Variants in GPR158 observed in about 807,000 individuals in gnomAD.
GPR158 encodes G protein-coupled receptor 158, also known as metabotropic glycine receptor.
Under a neutral mutation model 78.2 loss-of-function variants are expected in GPR158, and 30 were observed. The ratio of observed to expected loss-of-function variants is 0.38; its 90% CI spans 0.29 to 0.52. GPR158 has a LOEUF of 0.52. Ranked by LOEUF, GPR158 falls within the 20% of genes least tolerant of loss-of-function variation. The pLI, the probability that GPR158 is intolerant of heterozygous loss-of-function variation, is 0.83. For missense variants in GPR158, 1,463 were observed against 1,523.5 expected, an observed-to-expected ratio of 0.96 and a Z score of 0.66; for synonymous variants, 581 against 591.1, an observed-to-expected ratio of 0.98 and a Z score of 0.25.
intron 2 of GPR158, among the ~76,000 whole-genome samples, chr10:25,389,577 C>T (rs1049595347): frequency 6.6e-6 from 1 of 152,310 alleles, no homozygotes; most frequent in South Asian, 2.1e-4. Flanking sequence ...TGTGTACATT[C>T]TTCCTGGATG....
intron 2 of GPR158, among the ~76,000 whole-genome samples, chr10:25,392,517 ACT>A (rs1834314175): frequency 6.6e-6 from 1 of 152,044 alleles, no homozygotes. Context: ...CGTAGCAATA[ACT>A]CTTAATTTTT....
chr10:25,326,600 G>T (rs905641105), intron 2 of GPR158, among the ~76,000 whole-genome samples: 1 of 152,278 alleles, frequency 6.6e-6, no homozygotes. Context: ...GTTGCCAGGA[G>T]ATAGGGGCTG....
intron 2 of GPR158, among the ~76,000 whole-genome samples, chr10:25,273,775 GCTCAAGCAATCTTCCCAC>G (rs772511853): frequency 1.3e-5 from 2 of 151,954 alleles, no homozygotes; most frequent in Non-Finnish European, 2.9e-5. Context: ...GACCTCCCAG[GCTCAAGCAATCTTCCCAC>G]CTCAGCCTCC....
At position 25,317,716 on chromosome 10, in the gene GPR158, G is replaced by GTTTTTTTTTTTTTTTTTTTTTTTTTTTT. The variant is rs756759445; in HGVS notation, c.1009-78186_1009-78185insTTTTTTTTTTTTTTTTTTTTTTTTTTTT. ...TTAAATTCTGTTTTCTTCGTAAAGT[G>GTTTTTTTTTTTTTTTTTTTTTTTTTTTT]TTTTTTTTTGTTTTGTTTTGTTTTG... On this transcript the variant is annotated intron_variant, in intron 2 of 10. Transcript: ENST00000376351. Among the ~76,000 whole-genome samples, 3 of 134,074 alleles carry GTTTTTTTTTTTTTTTTTTTTTTTTTTTT rather than the reference G, an allele frequency of 2.2e-5. 1 individual carries two copies. Among genetic ancestry groups the GTTTTTTTTTTTTTTTTTTTTTTTTTTTT allele is most frequent in the African/African-American group, 9.6e-5 (3 of 31,232 alleles). 88.0% of individuals were successfully genotyped at this position (134,074 alleles called of 152,430 possible). A position where few individuals can be genotyped will look rare whatever the true frequency, so the allele number is the denominator to read the frequency against.
At chr10:25,280,053 A>T (rs1854246601) in intron 2 of GPR158, among the ~76,000 whole-genome samples, 1 of 152,178 alleles carries the variant, frequency 6.6e-6, no homozygotes, top group African/African-American at 2.4e-5. Context: ...GCAATAAAAA[A>T]ATTCCAAAAA....
At chr10:25,215,483 G>A (rs532831787) in intron 1 of GPR158, among the ~76,000 whole-genome samples, 6 of 152,122 alleles carry the variant, frequency 3.9e-5, no homozygotes, top group South Asian at 2.1e-4. Flanking sequence ...CTACAAAAGC[G>A]TACATTAAAA....
chr10:25,401,117 T>C (rs1033960814), intron 3 of GPR158, among the ~76,000 whole-genome samples: 1 of 152,158 alleles, frequency 6.6e-6, no homozygotes, highest in African/African-American at 2.4e-5. Context: ...CTCTGTTTCA[T>C]GGCTGGGGAG....
chr10:25,298,298 A>T (rs1588783212), intron 2 of GPR158, among the ~76,000 whole-genome samples: 1 of 152,116 alleles, frequency 6.6e-6, no homozygotes, highest in East Asian at 1.9e-4. Flanking sequence ...CAAACTTTTG[A>T]CTTTAAATAG....
chr10:25,552,085 A>G (rs1220736484), intron 6 of GPR158, among the ~76,000 whole-genome samples: 2 of 152,130 alleles, frequency 1.3e-5, no homozygotes, highest in Admixed American at 1.3e-4. Flanking sequence ...TTGGGAAAAA[A>G]AAGTGAATGT....
At chr10:25,538,079 A>T (rs968142745) in intron 5 of GPR158, among the ~76,000 whole-genome samples, 3 of 152,174 alleles carry the variant, frequency 2.0e-5, no homozygotes, top group African/African-American at 4.8e-5. Flanking sequence ...AATTTTTACC[A>T]TAATACTTTG....
chr10:25,186,647 C>T (rs1449468546), intron 1 of GPR158, among the ~76,000 whole-genome samples: 1 of 152,162 alleles, frequency 6.6e-6, no homozygotes, highest in African/African-American at 2.4e-5. Flanking sequence ...TTCCTGCACA[C>T]ATACACCCTC....
Position 25,561,314 on chromosome 10 carries a change from A to G in GPR158, c.1514+10229A>G, listed in dbSNP as rs145438440. ...TTAAAATTATTTCTGCTGATTAATC[A>G]GTGCTAGATAATTGAGATTTAAGGA... On this transcript the variant is annotated intron_variant, in intron 6 of 10. Coordinates refer to ENST00000376351, the MANE Select transcript of GPR158 (RefSeq NM_020752.3). Among the ~76,000 whole-genome samples the G allele has an allele frequency of 2.4e-4, 37 of 152,358 alleles. No individual in the cohort carries two copies. The East Asian group carries it at 7.1e-3, about 29-fold the overall frequency.
intron 5 of GPR158, among the ~76,000 whole-genome samples, chr10:25,478,493 CGT>C (rs71399974): frequency 0.075 from 10,883 of 144,616 alleles, 976 homozygotes; most frequent in African/African-American, 0.22. Flanking sequence ...ATATATAATG[CGT>C]GTGTGTGTGT....
At chr10:25,479,478 C>A (rs184885163) in intron 5 of GPR158, among the ~76,000 whole-genome samples, 1 of 151,998 alleles carries the variant, frequency 6.6e-6, no homozygotes, top group Non-Finnish European at 1.5e-5. Context: ...TGCAGTGGTG[C>A]GATCTTGCTC....
At chr10:25,510,940 C>T (rs530992056) in intron 5 of GPR158, among the ~76,000 whole-genome samples, 4 of 152,278 alleles carry the variant, frequency 2.6e-5, no homozygotes, top group African/African-American at 9.6e-5. Context: ...TTTATCCGCT[C>T]ATTGCTTGAT....
chr10:25,195,106 A>G (rs369354944), intron 1 of GPR158, among the ~76,000 whole-genome samples: 4 of 152,054 alleles, frequency 2.6e-5, no homozygotes, highest in Admixed American at 6.5e-5. Context: ...ATCTCCATCA[A>G]GATTTTTCCC....
Position 25,520,555 on chromosome 10 carries a change from G to A in GPR158, c.1405-30421G>A, listed in dbSNP as rs1047539161. Among the ~76,000 whole-genome samples, 18 of 150,308 alleles carry A rather than the reference G, an allele frequency of 1.2e-4. 1 individual carries two copies. The highest frequency in any genetic ancestry group is 4.5e-4 in the African/African-American group (18 of 39,904). On this transcript the variant is annotated intron_variant, in intron 5 of 10. Transcript: ENST00000376351. Reference sequence around the variant, plus strand: ...GGTGATGTACAGATGGGTTTTCAGTGTGGATGTCCTTTCTGTTTGTTAGTT... The same window carrying A: ...GGTGATGTACAGATGGGTTTTCAGTATGGATGTCCTTTCTGTTTGTTAGTT...
At chr10:25,211,489 A>C (rs1853130096) in intron 1 of GPR158, among the ~76,000 whole-genome samples, 1 of 152,166 alleles carries the variant, frequency 6.6e-6, no homozygotes, top group Non-Finnish European at 1.5e-5. Context: ...GAGCGCATGC[A>C]CAAGAGGAGG....
chr10:25,413,472 A>G (rs1332218350), intron 4 of GPR158, among the ~76,000 whole-genome samples: 1 of 152,214 alleles, frequency 6.6e-6, no homozygotes, highest in Non-Finnish European at 1.5e-5. Flanking sequence ...CCAGTGTTGT[A>G]TTCGAATTTG....
Sources: allele counts gnomAD v4.1 joint callset (sites outside exome capture counted in the v4.1 genomes callset), GRCh38; gene constraint gnomAD v4.1.1; transcripts MANE v1.5; gene names NCBI Gene and HGNC (gene_info 2026-07-23, HGNC 2026-07-21).